MEIS2: variants seen among roughly 807,000 people sequenced by gnomAD.
MEIS2 encodes homeobox protein Meis2.
A neutral mutation model predicts 58.6 loss-of-function variants in MEIS2; 9 were observed. That is an observed-to-expected ratio of 0.15 (90% CI 0.09 to 0.27). MEIS2 has a LOEUF of 0.27. MEIS2 is among the 10% of genes least tolerant of loss of function. The pLI is 1.00. For missense variants in MEIS2, 427 were observed against 635.0 expected (o/e 0.67, Z 3.52); for synonymous variants, 221 against 228.4 (o/e 0.97, Z 0.29).
chr15:36,990,800 G>A (rs1456313555), intron 8 of MEIS2, among the ~76,000 whole-genome samples: 1 of 151,866 alleles, frequency 6.6e-6, no homozygotes, highest in Non-Finnish European at 1.5e-5. Flanking sequence ...CAGAAAGGGG[G>A]ATAGGGCTTT....
At chr15:37,049,238 A>C (rs1326451851) in intron 7 of MEIS2, among the ~76,000 whole-genome samples, 1 of 152,184 alleles carries the variant, frequency 6.6e-6, no homozygotes, top group Non-Finnish European at 1.5e-5. Context: ...CATTCTTCGT[A>C]TAGCCTATAC....
intron 9 of MEIS2, among the ~76,000 whole-genome samples, chr15:36,907,052 G>A (rs900967697): frequency 1.3e-5 from 2 of 151,972 alleles, no homozygotes; most frequent in South Asian, 2.1e-4. Context: ...CTTACTTAAC[G>A]AAAGTAAGTT....
chr15:36,945,750 C>G (rs1246050865), intron 9 of MEIS2, among the ~76,000 whole-genome samples: 1 of 151,962 alleles, frequency 6.6e-6, no homozygotes, highest in African/African-American at 2.4e-5. Context: ...GTGGGGCAAA[C>G]AGGACACAGG....
chr15:37,095,706 G>C, intron 3 of MEIS2, 92 bp from the exon 4 acceptor site: 1 of 1,586,830 alleles, frequency 6.3e-7, no homozygotes, highest in South Asian at 1.1e-5. Context: ...GGCAATGGCG[G>C]AGAAGAGGAA....
intron 7 of MEIS2, among the ~76,000 whole-genome samples, chr15:37,068,410 C>T (rs1033375777): frequency 1.3e-5 from 2 of 152,198 alleles, no homozygotes; most frequent in South Asian, 2.1e-4. Context: ...TTTGGGAGTG[C>T]TAACATCCCT....
chr15:37,051,358 GC>G (rs1350484975), intron 7 of MEIS2, among the ~76,000 whole-genome samples: 1 of 152,064 alleles, frequency 6.6e-6, no homozygotes, highest in African/African-American at 2.4e-5. Context: ...AAAGCCACAC[GC>G]AAAAGGCCAC....
intron 9 of MEIS2, among the ~76,000 whole-genome samples, chr15:36,925,953 G>C (rs1238161499): frequency 6.6e-6 from 1 of 152,114 alleles, no homozygotes; most frequent in African/African-American, 2.4e-5. Context: ...CTCCTACAAG[G>C]CTTACTGTGG....
At chr15:36,994,154 C>T (rs969814382) in intron 8 of MEIS2, among the ~76,000 whole-genome samples, 3 of 151,948 alleles carry the variant, frequency 2.0e-5, no homozygotes, top group Non-Finnish European at 2.9e-5. Context: ...ATACTGTCAA[C>T]GATTCTGGCA....
chr15:36,928,588 T>G lies in MEIS2; in HGVS notation c.977+21736A>C, dbSNP rs1239437325. Among the ~76,000 whole-genome samples the G allele has an allele frequency of 1.3e-5, 2 of 152,240 alleles. 1 individual carries two copies. Among genetic ancestry groups the G allele is most frequent in the South Asian group, 4.1e-4 (2 of 4,838 alleles). On this transcript the variant is annotated intron_variant, in intron 9 of 11. Coordinates refer to ENST00000561208, the MANE Select transcript of MEIS2 (RefSeq NM_170675.5). Reference sequence around the variant, plus strand: ...GTACCAAATACTACCTGTGTGTGTATGCAAACTATTCTTCTAAGTAATGTC... The same window carrying G: ...GTACCAAATACTACCTGTGTGTGTAGGCAAACTATTCTTCTAAGTAATGTC...
At position 36,896,265 on chromosome 15, in the gene MEIS2, G is replaced by A. The variant is rs369318995; in HGVS notation, c.1036+363C>T. ...AACAGCAGATGCTACAGAAAGGAAA[G>A]CCTAGCATACACCAAGGAGCTGTGG... On this transcript the variant is annotated intron_variant, in intron 10 of 11. Transcript: ENST00000561208. Among the ~76,000 whole-genome samples the A allele has an allele frequency of 1.6e-4, 25 of 152,324 alleles. No individual in the cohort carries two copies. In the East Asian group the frequency reaches 2.1e-3, roughly 13 times the overall value.
chr15:36,981,392 A>C (rs2059923944), intron 8 of MEIS2, among the ~76,000 whole-genome samples: 1 of 152,040 alleles, frequency 6.6e-6, no homozygotes. Context: ...CCTTTCTGGT[A>C]CTTACACTTC....
intron 7 of MEIS2, among the ~76,000 whole-genome samples, chr15:37,070,787 T>C (rs1890596928): frequency 6.6e-6 from 1 of 152,132 alleles, no homozygotes; most frequent in South Asian, 2.1e-4. Context: ...TACAAGTTTC[T>C]AGAATGGTGT....
intron 8 of MEIS2, among the ~76,000 whole-genome samples, chr15:36,994,029 GA>G (rs1159959327): frequency 6.6e-6 from 1 of 151,198 alleles, no homozygotes; most frequent in African/African-American, 2.4e-5. Context: ...TTTTCCAAAA[GA>G]AAAAAAAAGT....
At chr15:37,073,053 G>A (rs577617086) in intron 7 of MEIS2, among the ~76,000 whole-genome samples, 2 of 152,112 alleles carry the variant, frequency 1.3e-5, no homozygotes, top group African/African-American at 2.4e-5. Context: ...TCATACCCTA[G>A]AACCCAGGAC....
At chr15:37,045,264 G>C (rs1311055524) in intron 7 of MEIS2, among the ~76,000 whole-genome samples, 4 of 152,158 alleles carry the variant, frequency 2.6e-5, no homozygotes, top group Non-Finnish European at 2.9e-5. Context: ...GTATAATGTA[G>C]TAATGGAACT....
chr15:37,098,646 G>C (rs796125257), intron 1 of MEIS2: 1 of 193,242 alleles, frequency 5.2e-6, no homozygotes. Flanking sequence ...CGCTCCCGCC[G>C]GAGGCAACAG....
At chr15:37,074,647 C>A (rs542994540) in intron 7 of MEIS2, among the ~76,000 whole-genome samples, 1 of 151,932 alleles carries the variant, frequency 6.6e-6, no homozygotes, top group Non-Finnish European at 1.5e-5. Context: ...AATAAAGGAA[C>A]CAACGGTTAC....
At chr15:36,925,711 A>G (rs922103977) in intron 9 of MEIS2, among the ~76,000 whole-genome samples, 17 of 152,182 alleles carry the variant, frequency 1.1e-4, no homozygotes, top group African/African-American at 4.1e-4. Flanking sequence ...CATAAACACA[A>G]GCTCTGCTGT....
intron 8 of MEIS2, among the ~76,000 whole-genome samples, chr15:36,987,903 T>C (rs563697818): frequency 6.6e-6 from 1 of 152,276 alleles, no homozygotes; most frequent in East Asian, 1.9e-4. Context: ...ATCAGATCTA[T>C]ACAAAATTTT....
Sources: allele counts gnomAD v4.1 joint callset (sites outside exome capture counted in the v4.1 genomes callset), GRCh38; gene constraint gnomAD v4.1.1; transcripts MANE v1.5; gene names NCBI Gene and HGNC (gene_info 2026-07-23, HGNC 2026-07-21).